The following PIK3AP1 variants were observed in gnomAD, a reference collection of about 807,000 sequenced individuals.
The protein encoded by PIK3AP1 is phosphoinositide-3-kinase adaptor protein 1.
PIK3AP1 carries 21 observed loss-of-function variants against 88.1 expected under a neutral mutation model. That is an observed-to-expected ratio of 0.24 (90% CI 0.17 to 0.34). The LOEUF is 0.34. Ranked by LOEUF, PIK3AP1 falls within the 10% of genes least tolerant of loss-of-function variation. The pLI, the probability that PIK3AP1 is intolerant of heterozygous loss-of-function variation, is 1.00. For missense variants in PIK3AP1, 828 were observed against 1,035.7 expected, an observed-to-expected ratio of 0.80 and a Z score of 2.75; for synonymous variants, 398 against 400.0, an observed-to-expected ratio of 1.00 and a Z score of 0.06.
rs1589542816 is a variant in PIK3AP1 at position 96,695,311 on chromosome 10, T to G, written c.430+14256A>C. 2.0e-5 allele frequency among the ~76,000 whole-genome samples: 3 copies of G among 152,380 alleles called. No homozygotes were observed. In the South Asian group the frequency reaches 6.2e-4, roughly 32 times the overall value. Reference sequence around the variant, plus strand: ...CACATGCTCTAAAAGCCGAGTCAACTGCTAGTGCTAATATTATTCTATCTG... The same window carrying G: ...CACATGCTCTAAAAGCCGAGTCAACGGCTAGTGCTAATATTATTCTATCTG... On this transcript the variant is annotated intron_variant, in intron 2 of 16. Transcript: ENST00000339364.
rs144805028 is a variant in PIK3AP1 at position 96,720,154 on chromosome 10, G to A, written c.13+228C>T. 1.9e-3 allele frequency among the ~76,000 whole-genome samples: 282 copies of A among 152,346 alleles called. 2 individuals carry two copies. Among genetic ancestry groups the A allele is most frequent in the Middle Eastern group, 0.017 (5 of 294 alleles). ...AGGAGACCCTGAAGAAGTGGGAGGG[G>A]GTCGGGCCAGGCAGGGGCTGAAGAG... On this transcript the variant is annotated intron_variant, in intron 1 of 16. Coordinates refer to ENST00000339364, the MANE Select transcript of PIK3AP1 (RefSeq NM_152309.3). The surrounding 1 kb of genome is among the most constrained non-coding windows in gnomAD (Gnocchi z 4.6).
chr10:96,658,849 C>T (rs1190851091), intron 2 of PIK3AP1, among the ~76,000 whole-genome samples: 2 of 152,106 alleles, frequency 1.3e-5, no homozygotes, highest in Non-Finnish European at 2.9e-5. Flanking sequence ...CTACGCAAGG[C>T]GATATGGTTT....
intron 7 of PIK3AP1, among the ~76,000 whole-genome samples, chr10:96,646,710 G>C (rs1843465574): frequency 6.6e-6 from 1 of 152,060 alleles, no homozygotes; most frequent in Non-Finnish European, 1.5e-5. Flanking sequence ...TGTCCTATGT[G>C]CCCAAAAGGA....
chr10:96,691,655 T>C (rs1383059929), intron 2 of PIK3AP1, among the ~76,000 whole-genome samples: 1 of 152,188 alleles, frequency 6.6e-6, no homozygotes, highest in Non-Finnish European at 1.5e-5. Context: ...TCCCAACTGG[T>C]CTACCAATAG....
At chr10:96,612,938 T>TTGTG (rs60662845) in intron 13 of PIK3AP1, among the ~76,000 whole-genome samples, 1 of 37,448 alleles carries the variant, frequency 2.7e-5, no homozygotes, top group African/African-American at 9.3e-5. Context: ...TGCCACTGAA[T>TTGTG]TGTGTGTGTG....
intron 8 of PIK3AP1, chr10:96,633,300 G>A (rs4919045): frequency 0.3 from 118,047 of 387,398 alleles, 19,431 homozygotes; most frequent in Middle Eastern, 0.45. Flanking sequence ...CCAGGTTACC[G>A]GGGTAACAGA....
intron 8 of PIK3AP1, among the ~76,000 whole-genome samples, chr10:96,628,865 C>CATATACACAT (rs1843188936): frequency 6.3e-5 from 1 of 15,868 alleles, no homozygotes; most frequent in African/African-American, 8.0e-5. Context: ...TACACACACA[C>CATATACACAT]ATATATACAC....
intron 14 of PIK3AP1, among the ~76,000 whole-genome samples, chr10:96,604,820 C>G (rs749827862): frequency 2.0e-5 from 3 of 152,190 alleles, no homozygotes; most frequent in Non-Finnish European, 2.9e-5. Context: ...GGGCCGGACC[C>G]TTTGACACAA....
intron 12 of PIK3AP1, among the ~76,000 whole-genome samples, chr10:96,617,494 G>C (rs1843010085): frequency 6.6e-6 from 1 of 152,184 alleles, no homozygotes; most frequent in Non-Finnish European, 1.5e-5. Flanking sequence ...CCTGTGTCCA[G>C]GAGACAGCAG....
At chr10:96,596,281 CTCACCTG>C (rs1360744104) in intron 16 of PIK3AP1, among the ~76,000 whole-genome samples, 1 of 152,178 alleles carries the variant, frequency 6.6e-6, no homozygotes, top group Non-Finnish European at 1.5e-5. Context: ...CTTACCCAGG[CTCACCTG>C]TTTTGTCCCA....
chr10:96,595,681 A>G, intron 16 of PIK3AP1, 47 bp from the exon 17 acceptor site: 4 of 1,587,972 alleles, frequency 2.5e-6, no homozygotes, highest in Non-Finnish European at 3.4e-6. Context: ...AATTTGATTA[A>G]ACAGTTCTTA....
rs147946336 is a variant in PIK3AP1, at chr10:96,677,675, T to C, written c.431-20741A>G. Among the ~76,000 whole-genome samples the C allele has an allele frequency of 7.9e-5, 12 of 151,668 alleles. No homozygotes were observed. The Middle Eastern group carries it at 0.01, about 130-fold the overall frequency. Reference sequence around the variant, plus strand: ...ACATTTATCTCCAACAAACACAGTTTGGTCACGTGCAATACAAGATATGAA... The same window carrying C: ...ACATTTATCTCCAACAAACACAGTTCGGTCACGTGCAATACAAGATATGAA... On this transcript the variant is annotated intron_variant, in intron 2 of 16. Coordinates refer to ENST00000339364, the MANE Select transcript of PIK3AP1 (RefSeq NM_152309.3).
intron 6 of PIK3AP1, among the ~76,000 whole-genome samples, chr10:96,649,335 T>C (rs1007251300): frequency 6.6e-6 from 1 of 152,140 alleles, no homozygotes; most frequent in African/African-American, 2.4e-5. Context: ...TGAGCCACCA[T>C]ACCCGGCCAT....
intron 2 of PIK3AP1, among the ~76,000 whole-genome samples, chr10:96,663,437 C>T (rs1843720025): frequency 6.6e-6 from 1 of 151,662 alleles, no homozygotes; most frequent in Non-Finnish European, 1.5e-5. Context: ...CAAGACCAGC[C>T]TGGCCAACAT....
intron 2 of PIK3AP1, among the ~76,000 whole-genome samples, chr10:96,708,955 AC>A (rs1156637588): frequency 6.6e-6 from 1 of 151,666 alleles, no homozygotes; most frequent in African/African-American, 2.4e-5. Context: ...ACATGATAAA[AC>A]CCTGTTTCTA....
chr10:96,699,905 AAC>A (rs1209941958), intron 2 of PIK3AP1, among the ~76,000 whole-genome samples: 2 of 152,240 alleles, frequency 1.3e-5, no homozygotes, highest in Admixed American at 1.3e-4. Flanking sequence ...GAAAGAGGGT[AAC>A]ACAGATGTCA....
At chr10:96,679,437 A>C (rs1321858455) in intron 2 of PIK3AP1, among the ~76,000 whole-genome samples, 1 of 152,040 alleles carries the variant, frequency 6.6e-6, no homozygotes, top group Non-Finnish European at 1.5e-5. Context: ...CTGAGGCAGG[A>C]GAATCTCTTG....
chr10:96,666,287 C>T (rs1261989410), intron 2 of PIK3AP1, among the ~76,000 whole-genome samples: 4 of 152,146 alleles, frequency 2.6e-5, no homozygotes, highest in Non-Finnish European at 4.4e-5. Context: ...GGCGTGGTAG[C>T]AGGCGCCTGT....
intron 2 of PIK3AP1, among the ~76,000 whole-genome samples, chr10:96,708,227 A>G (rs1844389459): frequency 6.6e-6 from 1 of 152,170 alleles, no homozygotes; most frequent in Non-Finnish European, 1.5e-5. Context: ...ATGTGGCAAG[A>G]GAACAGAATA....
Sources: allele counts gnomAD v4.1 joint callset (sites outside exome capture counted in the v4.1 genomes callset), GRCh38; gene constraint gnomAD v4.1.1; non-coding constraint Gnocchi (gnomAD v3.1); transcripts MANE v1.5; gene names NCBI Gene and HGNC (gene_info 2026-07-23, HGNC 2026-07-21).